Variants in POLR3B observed in about 807,000 individuals in gnomAD.
POLR3B encodes RNA polymerase III subunit B.
In POLR3B, 96 loss-of-function variants were observed where a neutral mutation model predicts 147.4. The observed-to-expected ratio is 0.65, with a 90% CI of 0.55 to 0.77. The LOEUF (loss-of-function observed/expected upper bound fraction) is 0.77. POLR3B is among the 30% of genes least tolerant of loss of function. POLR3B has a pLI of 0.00. For synonymous variants in POLR3B, 461 were observed against 485.9 expected, an observed-to-expected ratio of 0.95 and a Z score of 0.67; for missense variants, 1,036 against 1,413.5, an observed-to-expected ratio of 0.73 and a Z score of 4.28.
intron 23 of POLR3B, among the ~76,000 whole-genome samples, chr12:106,493,754 A>G (rs924682119): frequency 6.6e-6 from 1 of 152,246 alleles, no homozygotes; most frequent in Non-Finnish European, 1.5e-5. Context: ...TAGAAGCCGC[A>G]ATGATGGAGA....
chr12:106,408,349 A>T (rs184940140), intron 11 of POLR3B, among the ~76,000 whole-genome samples: 2 of 152,306 alleles, frequency 1.3e-5, no homozygotes, highest in South Asian at 4.1e-4. Flanking sequence ...TTGTCTTGGT[A>T]TACTGGCCTT....
chr12:106,421,721 A>G (rs1230831699), intron 12 of POLR3B, among the ~76,000 whole-genome samples: 1 of 151,758 alleles, frequency 6.6e-6, no homozygotes, highest in East Asian at 1.9e-4. Flanking sequence ...ATTTTTTGAG[A>G]CAGAGTCTGG....
At chr12:106,364,979 C>A (rs532389633) in intron 2 of POLR3B, among the ~76,000 whole-genome samples, 1 of 152,094 alleles carries the variant, frequency 6.6e-6, no homozygotes, top group African/African-American at 2.4e-5. Flanking sequence ...ACTAAAGATA[C>A]AAAAAATTAG....
chr12:106,422,085 T>A (rs948002731), intron 12 of POLR3B, among the ~76,000 whole-genome samples: 1 of 152,210 alleles, frequency 6.6e-6, no homozygotes, highest in Non-Finnish European at 1.5e-5. Context: ...TAGTGCTTGA[T>A]ATGGTTTGGA....
intron 6 of POLR3B, 98 bp downstream of exon 6, chr12:106,369,781 A>C (rs758623301): frequency 1.8e-5 from 14 of 778,966 alleles, no homozygotes; most frequent in African/African-American, 3.4e-5. Flanking sequence ...AATGCTGCCT[A>C]TTTCATAGGT....
chr12:106,388,871 A>C (rs748616299), intron 9 of POLR3B, among the ~76,000 whole-genome samples: 1 of 152,194 alleles, frequency 6.6e-6, no homozygotes, highest in Non-Finnish European at 1.5e-5. Context: ...TGTCTTTAAA[A>C]GTCACGCTTT....
At chr12:106,483,032 C>G (rs2038290677) in intron 23 of POLR3B, among the ~76,000 whole-genome samples, 1 of 152,168 alleles carries the variant, frequency 6.6e-6, no homozygotes, top group Non-Finnish European at 1.5e-5. Context: ...CCCACTAAAG[C>G]TTCTTCAGCC....
Position 106,366,670 on chromosome 12 carries a change from A to G in POLR3B, c.175A>G (p.Met59Val), listed in dbSNP as rs2036540330. Reference protein sequence around the residue: ...YFINVEIKKIMKANEKVTSDA... With the variant: ...YFINVEIKKIVKANEKVTSDA... ...TTTTCCACTGCAGATAAAGAAGATA[A>G]TGAAAGCCAATGAAAAGGTTACAAG... Residue 59 changes from methionine (M) to valine (V), a missense_variant, in exon 4 of 28, where the codon ATG becomes GTG. Met to Val is a conservative substitution (Grantham distance 21, BLOSUM62 1). Transcript: ENST00000228347. The G allele has an allele frequency of 6.2e-7, 1 of 1,613,642 alleles. No homozygotes were observed. Among genetic ancestry groups the G allele is most frequent in the Non-Finnish European group, 8.5e-7 (1 of 1,179,656 alleles).
chr12:106,489,300 T>C (rs1455619332), intron 23 of POLR3B, among the ~76,000 whole-genome samples: 3 of 152,248 alleles, frequency 2.0e-5, no homozygotes, highest in African/African-American at 7.2e-5. Context: ...AATAGAAGTC[T>C]AGTCTTATCA....
intron 1 of POLR3B, 110 bp downstream of exon 1, chr12:106,358,061 G>C: frequency 4.5e-6 from 7 of 1,551,480 alleles, no homozygotes; most frequent in Non-Finnish European, 6.1e-6. Context: ...GTGCGCATGC[G>C]CCGGGCTTCT....
intron 14 of POLR3B, among the ~76,000 whole-genome samples, chr12:106,431,720 T>C (rs1233489207): frequency 6.6e-6 from 1 of 152,250 alleles, no homozygotes; most frequent in African/African-American, 2.4e-5. Context: ...ATGGATCTTA[T>C]TCAAATTTTG....
At chr12:106,449,144 C>T (rs991332553) in intron 19 of POLR3B, among the ~76,000 whole-genome samples, 5 of 152,074 alleles carry the variant, frequency 3.3e-5, no homozygotes, top group Non-Finnish European at 7.4e-5. Context: ...AGTCTAAACA[C>T]GAAATCCGTT....
intron 10 of POLR3B, among the ~76,000 whole-genome samples, chr12:106,395,449 G>A (rs929326846): frequency 6.6e-6 from 1 of 152,008 alleles, no homozygotes; most frequent in African/African-American, 2.4e-5. Flanking sequence ...TAAACAACCA[G>A]ATTGGGAAAA....
chr12:106,493,581 T>TA (rs767034745), intron 23 of POLR3B, among the ~76,000 whole-genome samples: 2 of 152,252 alleles, frequency 1.3e-5, no homozygotes, highest in African/African-American at 2.4e-5. Flanking sequence ...TAACTTGTAT[T>TA]AAAATCTGTC....
rs78631190 is a variant in POLR3B, at chr12:106,496,948, A to G, written c.2984+30A>G. The G allele has an allele frequency of 2.5e-3, 4,076 of 1,606,602 alleles. 77 individuals carry two copies. The African/African-American group carries it at 0.042, about 17-fold the overall frequency. ...GCATGCGATTGAGCTATTTTAAAGA[A>G]AAAGAATGGTTTTACTAGGATAGGG... On this transcript the variant is annotated intron_variant, in intron 25 of 27. Coordinates refer to ENST00000228347, the MANE Select transcript of POLR3B (RefSeq NM_018082.6).
intron 23 of POLR3B, among the ~76,000 whole-genome samples, chr12:106,487,711 G>T (rs976987624): frequency 1.3e-5 from 2 of 152,078 alleles, no homozygotes; most frequent in African/African-American, 2.4e-5. Flanking sequence ...CATCTGTCCC[G>T]CTCAAGCCTG....
At chr12:106,399,917 C>T (rs2037038284) in intron 10 of POLR3B, among the ~76,000 whole-genome samples, 1 of 152,196 alleles carries the variant, frequency 6.6e-6, no homozygotes, top group African/African-American at 2.4e-5. Flanking sequence ...TAGGAAGAAA[C>T]TGCATCAACT....
At chr12:106,508,989 A>G (rs549067744) in intron 27 of POLR3B, among the ~76,000 whole-genome samples, 8 of 152,250 alleles carry the variant, frequency 5.3e-5, no homozygotes, top group Non-Finnish European at 1.2e-4. Context: ...TACTGCTAGT[A>G]TAGTTGATGC....
intron 12 of POLR3B, among the ~76,000 whole-genome samples, chr12:106,413,316 T>G (rs2037253826): frequency 6.6e-6 from 1 of 152,182 alleles, no homozygotes; most frequent in South Asian, 2.1e-4. Flanking sequence ...AATTCTAGAT[T>G]GATATTTATT....
Sources: allele counts gnomAD v4.1 joint callset (sites outside exome capture counted in the v4.1 genomes callset), GRCh38; gene constraint gnomAD v4.1.1; transcripts MANE v1.5; gene names NCBI Gene and HGNC (gene_info 2026-07-23, HGNC 2026-07-21).